The following SAFB variants were observed in gnomAD, a reference collection of about 807,000 sequenced individuals.
SAFB encodes the protein scaffold attachment factor B1.
SAFB carries 15 observed loss-of-function variants against 101.6 expected under a neutral mutation model. The ratio of observed to expected loss-of-function variants is 0.15; its 90% CI spans 0.10 to 0.23. The LOEUF is 0.23. Ranked by LOEUF, SAFB falls within the 10% of genes least tolerant of loss-of-function variation. SAFB has a pLI of 1.00. For synonymous variants in SAFB, 449 were observed against 407.5 expected (o/e 1.10, Z -1.23); for missense variants, 930 against 1,104.1 (o/e 0.84, Z 2.23).
chr19:5,668,116 G>C (rs1278911880), intron 20 of SAFB, 46 bp from the exon 21 acceptor site: 4 of 1,593,000 alleles, frequency 2.5e-6, no homozygotes, highest in Non-Finnish European at 2.6e-6. Context: ...GATGGGCCGG[G>C]GAGCAGGAGG....
In SAFB at chr19:5,667,023, C is replaced by T. The variant is rs1189405658; in HGVS notation, c.2335-23C>T. 1.4e-6 allele frequency: 2 copies of T among 1,475,698 alleles called. No individual in the cohort carries two copies. Among genetic ancestry groups the T allele is most frequent in the Non-Finnish European group, 1.9e-6 (2 of 1,054,262 alleles). The allele number at this position is 1,475,698 out of a possible 1,614,324, so 91.4% of individuals were successfully genotyped here. On this transcript the variant is annotated intron_variant, in intron 17 of 20. Transcript: ENST00000588852. This position sits in a 1 kb window ranked among gnomAD's most constrained non-coding sequence, Gnocchi z 4.0. ...GCGCTGACACTGAAGCTTTTTTTTC[C>T]CTTCTGGCTCTGTGATGTCCAGCAT...
chr19:5,661,104 T>C (rs941373352), intron 14 of SAFB, among the ~76,000 whole-genome samples: 10 of 151,838 alleles, frequency 6.6e-5, no homozygotes, highest in African/African-American at 2.2e-4. Context: ...GTATTTTTAG[T>C]AGAGACAAGA....
At chr19:5,646,468 T>G (rs1254667449) in intron 5 of SAFB, among the ~76,000 whole-genome samples, 1 of 152,158 alleles carries the variant, frequency 6.6e-6, no homozygotes, top group Admixed American at 6.6e-5. Flanking sequence ...TTGGTCACAG[T>G]CTCCCATGTT....
chr19:5,626,930 G>A (rs908104829), intron 2 of SAFB, among the ~76,000 whole-genome samples: 1 of 152,062 alleles, frequency 6.6e-6, no homozygotes, highest in African/African-American at 2.4e-5. Flanking sequence ...TGTGGTCCCA[G>A]CTGCTTGGGA....
At chr19:5,652,269 A>T (rs1201376873) in intron 9 of SAFB, among the ~76,000 whole-genome samples, 1 of 152,070 alleles carries the variant, frequency 6.6e-6, no homozygotes, top group Non-Finnish European at 1.5e-5. Context: ...AGCCTCAGTG[A>T]TACAAGGTGT....
In SAFB at chr19:5,653,327, C is replaced by G. The variant is rs1568270067; in HGVS notation, c.1444-11C>G. 6.2e-7 allele frequency: 1 copy of G among 1,614,110 alleles called. No individual in the cohort carries two copies. Among genetic ancestry groups the G allele is most frequent in the African/African-American group, 1.3e-5 (1 of 75,018 alleles). ...TAGGAAATGGGGGTAATACTTGATT[C>G]TCTTTTTCAGGCCAAAAATGAACCT... On this transcript the variant is annotated splice_polypyrimidine_tract_variant and intron_variant, in intron 10 of 20. Coordinates refer to ENST00000588852, the MANE Select transcript of SAFB (RefSeq NM_001201338.2).
intron 3 of SAFB, 40 bp downstream of exon 3, chr19:5,641,698 C>G (rs1226731549): frequency 6.2e-7 from 1 of 1,612,530 alleles, no homozygotes; most frequent in Non-Finnish European, 8.5e-7. Context: ...GGTGGATGGA[C>G]CAGTGGCGGT....
At chr19:5,650,890 G>A (rs903444195) in intron 8 of SAFB, 88 bp from the exon 9 acceptor site, 2 of 865,928 alleles carry the variant, frequency 2.3e-6, no homozygotes, top group African/African-American at 3.4e-5. Flanking sequence ...AGGAAAAATG[G>A]GAACCATGTC....
At chr19:5,657,202 G>T (rs1392398617) in intron 13 of SAFB, 39 bp from the exon 14 acceptor site, 1 of 1,499,606 alleles carries the variant, frequency 6.7e-7, no homozygotes, top group Non-Finnish European at 9.3e-7. Flanking sequence ...TCCGTGCCTG[G>T]CCTCTGCTTT....
At chr19:5,658,853 G>C (rs974643511) in intron 14 of SAFB, among the ~76,000 whole-genome samples, 50 of 144,652 alleles carry the variant, frequency 3.5e-4, no homozygotes, top group Non-Finnish European at 5.0e-4. Context: ...AAAAAAAAAG[G>C]GGGGGTCGGG....
chr19:5,657,246 C>T lies in SAFB; in HGVS notation c.1761C>T (p.Ser587=). The part of the protein sequence containing the change: ...VKTSGSKERA[S]KSQDRKSASR... ...AATGTTCTTTGGTGAACTAGGCTTCCAAAAGCCAGGATCGCAAATCAGCCA... is the reference window on the plus strand; with the variant it reads ...AATGTTCTTTGGTGAACTAGGCTTCTAAAAGCCAGGATCGCAAATCAGCCA... The change falls in exon 14 of 21, where the codon TCC becomes TCT. Residue 587 remains serine (S), a synonymous_variant. Coordinates refer to ENST00000588852, the MANE Select transcript of SAFB (RefSeq NM_001201338.2). 1 of 1,613,380 alleles carries T rather than the reference C, an allele frequency of 6.2e-7. No individual in the cohort carries two copies. Among genetic ancestry groups the T allele is most frequent in the East Asian group, 2.2e-5 (1 of 44,860 alleles).
chr19:5,624,892 G>GGT (rs935035180), intron 1 of SAFB, among the ~76,000 whole-genome samples: 2 of 152,238 alleles, frequency 1.3e-5, no homozygotes, highest in African/African-American at 4.8e-5. Flanking sequence ...CGGCTGGTCA[G>GGT]GTGTGGTGCC....
chr19:5,650,532 C>T (rs1193768450), intron 8 of SAFB, among the ~76,000 whole-genome samples: 1 of 152,178 alleles, frequency 6.6e-6, no homozygotes, highest in Non-Finnish European at 1.5e-5. Context: ...CTGCCTCAGC[C>T]TCCTGAGTAG....
chr19:5,655,471 A>C (rs1053428694), intron 13 of SAFB, among the ~76,000 whole-genome samples: 4 of 151,590 alleles, frequency 2.6e-5, no homozygotes, highest in South Asian at 2.1e-4. Context: ...AAAAAAAAAA[A>C]AAAAAAAAAC....
Position 5,667,805 on chromosome 19 carries a change from A to G in SAFB, c.2558-15A>G. 6 of 1,613,948 alleles carry G rather than the reference A, an allele frequency of 3.7e-6. No individual in the cohort carries two copies. Among genetic ancestry groups the G allele is most frequent in the Non-Finnish European group, 5.1e-6 (6 of 1,179,856 alleles). On this transcript the variant is annotated splice_polypyrimidine_tract_variant and intron_variant, in intron 19 of 20. Coordinates refer to ENST00000588852, the MANE Select transcript of SAFB (RefSeq NM_001201338.2). The surrounding 1 kb of genome is among the most constrained non-coding windows in gnomAD (Gnocchi z 4.0). The stretch of plus-strand genomic sequence containing the variant: ...GTGCGCAAGTTCCCTGTGTGAAAGC[A>G]CGTCTGTCTTCCAGGTGGCGAGAGA...
chr19:5,637,141 G>T (rs1466673484), intron 2 of SAFB, among the ~76,000 whole-genome samples: 1 of 150,568 alleles, frequency 6.6e-6, no homozygotes, highest in African/African-American at 2.4e-5. Flanking sequence ...TCAGGAGATC[G>T]AGACCATCCT....
rs60475807 is a variant in SAFB at position 5,640,932 on chromosome 19, CTTT to C, written c.275-648_275-646del. On this transcript the variant is annotated intron_variant, in intron 2 of 20. Coordinates refer to ENST00000588852, the MANE Select transcript of SAFB (RefSeq NM_001201338.2). ...GATAGTATGTGGGTTTTTTGTTTTT[CTTT>C]TTTTTTTTTTTTTAACCGAGTTTCG... Among the ~76,000 whole-genome samples the C allele has an allele frequency of 8.8e-4, 122 of 138,248 alleles. 1 individual carries two copies. Among genetic ancestry groups the C allele is most frequent in the Non-Finnish European group, 4.9e-4 (31 of 63,700 alleles). The allele number at this position is 138,248 out of a possible 152,430, so 90.7% of individuals were successfully genotyped here.
At chr19:5,650,222 C>G (rs2053907342) in intron 8 of SAFB, among the ~76,000 whole-genome samples, 1 of 152,124 alleles carries the variant, frequency 6.6e-6, no homozygotes, top group Non-Finnish European at 1.5e-5. Context: ...TCCTGTAACC[C>G]TTCATTAAAT....
chr19:5,641,442 G>C, intron 2 of SAFB, 152 bp from the exon 3 acceptor site: 2 of 655,828 alleles, frequency 3.0e-6, no homozygotes, highest in Non-Finnish European at 5.5e-6. Flanking sequence ...TGTCTTGTGC[G>C]GAATGGCCTC....
Sources: gnomAD v4.1 joint callset for allele counts (sites outside exome capture counted in the v4.1 genomes callset) on GRCh38, gnomAD v4.1.1 for gene constraint, Gnocchi (gnomAD v3.1) non-coding constraint, MANE v1.5 for transcripts, NCBI Gene and HGNC (gene_info 2026-07-23, HGNC 2026-07-21) for gene names.